The following ITGA1 variants were observed in gnomAD, a reference collection of about 807,000 sequenced individuals.
ITGA1 encodes integrin subunit alpha 1, also known as integrin alpha-1.
Under a neutral mutation model 145.9 loss-of-function variants are expected in ITGA1, and 85 were observed. That is an observed-to-expected ratio of 0.58 (90% CI 0.49 to 0.70). ITGA1 has a LOEUF of 0.70. Ranked by LOEUF, ITGA1 falls within the 30% of genes least tolerant of loss-of-function variation. ITGA1 has a pLI of 0.00. For synonymous variants in ITGA1, 520 were observed against 495.3 expected (o/e 1.05, Z -0.66); for missense variants, 1,351 against 1,418.7 (o/e 0.95, Z 0.77).
chr5:52,838,598 A>T (rs991178795), intron 1 of ITGA1, among the ~76,000 whole-genome samples: 1 of 152,156 alleles, frequency 6.6e-6, no homozygotes, highest in African/African-American at 2.4e-5. Flanking sequence ...TATGGCAAAT[A>T]AAAAAAGAGA....
In ITGA1 at chr5:52,947,425, G is replaced by T; in HGVS notation, c.3459G>T (p.Leu1153Phe). The change falls in exon 28 of 29, where the codon TTG becomes TTT. Residue 1153 changes from leucine (L) to phenylalanine (F), a missense_variant. Transcript: ENST00000282588. ...WVILLSAFAG[L>F]LLLMLLILAL... ...TCCTGCTGAGTGCTTTTGCCGGATT[G>T]TTGCTGTTAATGCTGCTCATTTTAG... 1 of 1,613,578 alleles carries T rather than the reference G, an allele frequency of 6.2e-7. No homozygotes were observed. Among genetic ancestry groups the T allele is most frequent in the Non-Finnish European group, 8.5e-7 (1 of 1,179,564 alleles).
At chr5:52,864,725 A>G in intron 3 of ITGA1, 38 bp from the exon 4 acceptor site, 1 of 1,324,262 alleles carries the variant, frequency 7.6e-7, no homozygotes, top group East Asian at 2.3e-5. Flanking sequence ...CACTTTGTGA[A>G]ACTTTTCCTC....
At chr5:52,794,789 G>T (rs555340952) in intron 1 of ITGA1, among the ~76,000 whole-genome samples, 2 of 151,798 alleles carry the variant, frequency 1.3e-5, no homozygotes, top group Non-Finnish European at 2.9e-5. Context: ...CACAATCTGA[G>T]GTTTGCACAT....
intron 2 of ITGA1, among the ~76,000 whole-genome samples, chr5:52,854,281 C>A (rs1749473442): frequency 6.6e-6 from 1 of 152,118 alleles, no homozygotes; most frequent in South Asian, 2.1e-4. Context: ...AGAATCCCTG[C>A]TAATGTAGAG....
In ITGA1 at chr5:52,849,275, G is replaced by A. The variant is rs1296955732; in HGVS notation, c.62-90G>A. 20 of 1,095,228 alleles carry A rather than the reference G, an allele frequency of 1.8e-5. No homozygotes were observed. The South Asian group carries it at 2.7e-4, about 15-fold the overall frequency. The allele number at this position is 1,095,228 out of a possible 1,614,324, so 67.8% of individuals were successfully genotyped here. A position where few individuals can be genotyped will look rare whatever the true frequency, so the allele number is the denominator to read the frequency against. On this transcript the variant is annotated intron_variant, in intron 1 of 28. Coordinates refer to ENST00000282588, the MANE Select transcript of ITGA1 (RefSeq NM_181501.2). ...TTTTTTTTTAATAGAAACAGCTTTC[G>A]ATGGTAACCTTAACCATGCCTTCCA...
chr5:52,804,271 A>G (rs1748547279), intron 1 of ITGA1, among the ~76,000 whole-genome samples: 1 of 152,210 alleles, frequency 6.6e-6, no homozygotes. Context: ...AATGTACTGT[A>G]AATTTCCATT....
At chr5:52,868,303 G>A (rs1019443740) in intron 6 of ITGA1, among the ~76,000 whole-genome samples, 10 of 152,278 alleles carry the variant, frequency 6.6e-5, no homozygotes, top group African/African-American at 2.4e-4. Context: ...CATGTCTGAA[G>A]TTGGTCCACA....
In ITGA1 at chr5:52,918,916, A is replaced by C. The variant is rs376491348; in HGVS notation, c.2155+18A>C. On this transcript the variant is annotated intron_variant, in intron 16 of 28. Coordinates refer to ENST00000282588, the MANE Select transcript of ITGA1 (RefSeq NM_181501.2). ...TGAAGCTGGTAAGCAAAATAATTAT[A>C]GCAAGTACTTTTGGGTAGAGGACAA... 1.9e-6 allele frequency: 3 copies of C among 1,577,508 alleles called. No individual in the cohort carries two copies. The African/African-American group carries it at 4.1e-5, about 22-fold the overall frequency.
chr5:52,889,633 G>A (rs1393077370), intron 8 of ITGA1: 2 of 152,174 alleles, frequency 1.3e-5, no homozygotes, highest in East Asian at 3.9e-4. Flanking sequence ...CTCAGACCTG[G>A]AGGAAAGGGG....
rs1579729923 is a variant in ITGA1 at position 52,937,641 on chromosome 5, T to C, written c.3078+127T>C. The C allele has an allele frequency of 1.2e-5, 8 of 662,028 alleles. No individual in the cohort carries two copies. In the East Asian group the frequency reaches 1.8e-4, roughly 15 times the overall value. 41.0% of individuals were successfully genotyped at this position (662,028 alleles called of 1,614,324 possible). On this transcript the variant is annotated intron_variant, in intron 24 of 28. Transcript: ENST00000282588. Reference sequence around the variant, plus strand: ...AAAGTAACATGGAGAGGTATTTAGATAATTAAAAGCAAATAATAATAGATG... The same window carrying C: ...AAAGTAACATGGAGAGGTATTTAGACAATTAAAAGCAAATAATAATAGATG...
chr5:52,872,425 T>C (rs1749791261), intron 6 of ITGA1, among the ~76,000 whole-genome samples: 1 of 152,000 alleles, frequency 6.6e-6, no homozygotes, highest in African/African-American at 2.4e-5. Context: ...GTTCAGAACA[T>C]TTCCCTAATA....
intron 8 of ITGA1, among the ~76,000 whole-genome samples, chr5:52,888,544 G>A (rs960070888): frequency 2.0e-5 from 3 of 152,306 alleles, no homozygotes; most frequent in Middle Eastern, 3.4e-3. Flanking sequence ...TTGCTTTTCA[G>A]CGAAGTAGAC....
chr5:52,814,159 GA>G (rs1748727559), intron 1 of ITGA1, among the ~76,000 whole-genome samples: 3 of 152,022 alleles, frequency 2.0e-5, no homozygotes, highest in Admixed American at 6.6e-5. Context: ...TTGTTTGTTT[GA>G]TTTTGAGACA....
At chr5:52,890,344 A>T (rs1379481221) in intron 8 of ITGA1, among the ~76,000 whole-genome samples, 1 of 152,186 alleles carries the variant, frequency 6.6e-6, no homozygotes, top group Non-Finnish European at 1.5e-5. Context: ...AACTTTTAAA[A>T]CTTAATACTA....
At chr5:52,817,912 C>G (rs1748803429) in intron 1 of ITGA1, among the ~76,000 whole-genome samples, 1 of 152,194 alleles carries the variant, frequency 6.6e-6, no homozygotes, top group Non-Finnish European at 1.5e-5. Context: ...GCTGGCCACA[C>G]AAGCTCTGTA....
intron 1 of ITGA1, among the ~76,000 whole-genome samples, chr5:52,820,025 A>G (rs536017477): frequency 5.4e-5 from 8 of 149,052 alleles, no homozygotes; most frequent in African/African-American, 7.6e-5. Flanking sequence ...TGGTACCAGT[A>G]CCATGCTGTT....
chr5:52,906,003 A>G, intron 12 of ITGA1, 95 bp downstream of exon 12: 1 of 1,061,574 alleles, frequency 9.4e-7, no homozygotes, highest in East Asian at 2.6e-5. Flanking sequence ...TGCAATACCC[A>G]CATATTCAGT....
intron 10 of ITGA1, 69 bp downstream of exon 10, chr5:52,897,597 A>G (rs1750246441): frequency 1.8e-6 from 2 of 1,138,612 alleles, no homozygotes; most frequent in African/African-American, 3.1e-5. Context: ...ACCAACATCT[A>G]GCCATCAGTA....
At chr5:52,837,569 A>T (rs1749179873) in intron 1 of ITGA1, among the ~76,000 whole-genome samples, 1 of 152,110 alleles carries the variant, frequency 6.6e-6, no homozygotes, top group African/African-American at 2.4e-5. Context: ...TAAGATCCTT[A>T]TATATAACAA....
Sources: allele counts gnomAD v4.1 joint callset (sites outside exome capture counted in the v4.1 genomes callset), GRCh38; gene constraint gnomAD v4.1.1; transcripts MANE v1.5; gene names NCBI Gene and HGNC (gene_info 2026-07-23, HGNC 2026-07-21).